Variants in SCAP observed in about 807,000 individuals in gnomAD.
SCAP encodes sterol regulatory element-binding protein cleavage-activating protein.
Under a neutral mutation model 123.6 loss-of-function variants are expected in SCAP, and 65 were observed. The observed-to-expected ratio is 0.53, with a 90% CI of 0.43 to 0.65. The LOEUF is 0.65. SCAP is among the 30% of genes least tolerant of loss of function. The probability of loss-of-function intolerance (pLI) is 0.00; values close to 1 mark genes in which losing one functional copy is unlikely to be tolerated. For synonymous variants in SCAP, 740 were observed against 726.3 expected (o/e 1.02, Z -0.30); for missense variants, 1,398 against 1,712.5 (o/e 0.82, Z 3.24).
chr3:47,414,883 C>T lies in SCAP; in HGVS notation c.3250G>A (p.Ala1084Thr), dbSNP rs148862651. 7 of 1,612,576 alleles carry T rather than the reference C, an allele frequency of 4.3e-6. No individual in the cohort carries two copies. Among genetic ancestry groups the T allele is most frequent in the African/African-American group, 2.7e-5 (2 of 74,944 alleles). Reference sequence around the variant, plus strand: ...AAGCGCCCAGCAGCGGCTTTCAGGGCTGTGATGGGTTTTTGGTGTGCACAG... The same window carrying T: ...AAGCGCCCAGCAGCGGCTTTCAGGGTTGTGATGGGTTTTTGGTGTGCACAG... The part of the protein sequence containing the change: ...VPCAHQKPIT[A>T]LKAAAGRLVT... The change falls in exon 20 of 23, where the codon GCC (alanine) becomes ACC (threonine). Residue 1084 changes from alanine (A) to threonine (T), a missense_variant. This residue lies in a region of SCAP where 828 missense variants were observed against 882.5 expected (regional missense o/e 0.94). Coordinates refer to ENST00000265565, the MANE Select transcript of SCAP (RefSeq NM_012235.4).
In SCAP at chr3:47,451,882, C is replaced by T. The variant is rs1227958352; in HGVS notation, c.-98-8791G>A. On this transcript the variant is annotated intron_variant, in intron 1 of 22. Transcript: ENST00000265565. ...ACCCCGGTCCTCTGCAACTTCACTT[C>T]GTGTCACCTCTCCCTGTTCTGGTTT... Among the ~76,000 whole-genome samples, 3 of 145,206 alleles carry T rather than the reference C, an allele frequency of 2.1e-5. 1 individual carries two copies. The highest frequency in any genetic ancestry group is 3.0e-5 in the Non-Finnish European group (2 of 65,798).
At chr3:47,436,825 C>T (rs1706596642) in intron 2 of SCAP, among the ~76,000 whole-genome samples, 1 of 152,134 alleles carries the variant, frequency 6.6e-6, no homozygotes, top group African/African-American at 2.4e-5. Flanking sequence ...TTTCCAGAGC[C>T]TCAGAAGGCA....
intron 18 of SCAP, among the ~76,000 whole-genome samples, 178 bp downstream of exon 18, chr3:47,416,944 T>G (rs557885924): frequency 6.6e-6 from 1 of 152,264 alleles, no homozygotes; most frequent in East Asian, 1.9e-4. Flanking sequence ...CGCTTTTAAT[T>G]GTTACCTTCC....
chr3:47,459,391 G>A (rs1227415683), intron 1 of SCAP, among the ~76,000 whole-genome samples: 1 of 152,180 alleles, frequency 6.6e-6, no homozygotes, highest in Non-Finnish European at 1.5e-5. Context: ...GAGATGTGAC[G>A]AGTCTCGTTG....
At chr3:47,447,983 C>CG (rs1707109452) in intron 1 of SCAP, among the ~76,000 whole-genome samples, 1 of 104,636 alleles carries the variant, frequency 9.6e-6, no homozygotes. Context: ...CCAGCCTGGG[C>CG]AAGAGGGAGA....
rs202026725 is a variant in SCAP at position 47,427,481 on chromosome 3, C to T, written c.597G>A (p.Glu199=). 116 of 1,614,084 alleles carry T rather than the reference C, an allele frequency of 7.2e-5. No individual in the cohort carries two copies. Among genetic ancestry groups the T allele is most frequent in the Admixed American group, 2.2e-4 (13 of 59,996 alleles). ...TGGCTGAAGTCTGCAGGGTTTTAGG[C>T]TCGTGCTGGTGGATGGTCCCAATGA... is the stretch of plus-strand genomic sequence containing the variant. ...PDIIGTIHQH[E]PKTLQTSATL... Residue 199 remains glutamate, a synonymous_variant, in exon 5 of 23, where the codon GAG becomes GAA. Transcript: ENST00000265565.
At chr3:47,446,975 A>G (rs1003169295) in intron 1 of SCAP, among the ~76,000 whole-genome samples, 5 of 152,198 alleles carry the variant, frequency 3.3e-5, no homozygotes, top group Non-Finnish European at 7.3e-5. Context: ...GATCCATTTG[A>G]GTTAATTTTT....
At chr3:47,476,827 A>C (rs1708282832), upstream of SCAP, 1 of 153,518 alleles carries the variant, frequency 6.5e-6, no homozygotes, top group Admixed American at 6.6e-5. Flanking sequence ...CTCTGGGGGG[A>C]CTTTGATCAT....
intron 1 of SCAP, among the ~76,000 whole-genome samples, chr3:47,446,190 T>G (rs1707033730): frequency 1.3e-5 from 2 of 150,624 alleles, no homozygotes; most frequent in Non-Finnish European, 3.0e-5. Context: ...TTTTTTTTTT[T>G]TGAGATGGAG....
intron 1 of SCAP, among the ~76,000 whole-genome samples, chr3:47,456,674 A>G (rs539609108): frequency 6.6e-6 from 1 of 152,082 alleles, no homozygotes; most frequent in Non-Finnish European, 1.5e-5. Flanking sequence ...CTGAGACAGG[A>G]GAATCACTTG....
chr3:47,436,454 G>A (rs1706582051), intron 2 of SCAP, among the ~76,000 whole-genome samples: 1 of 152,068 alleles, frequency 6.6e-6, no homozygotes, highest in African/African-American at 2.4e-5. Context: ...GCAACACAGT[G>A]AAACCCCATC....
chr3:47,461,909 C>G (rs541359848), intron 1 of SCAP, among the ~76,000 whole-genome samples: 1 of 152,214 alleles, frequency 6.6e-6, no homozygotes, highest in Non-Finnish European at 1.5e-5. Flanking sequence ...TGACAGGCAC[C>G]TATAATCCCA....
intron 1 of SCAP, among the ~76,000 whole-genome samples, chr3:47,448,528 C>G (rs1707138468): frequency 6.6e-6 from 1 of 151,954 alleles, no homozygotes; most frequent in Non-Finnish European, 1.5e-5. Flanking sequence ...CTGTTATTGT[C>G]CCATGGGTCC....
intron 1 of SCAP, among the ~76,000 whole-genome samples, chr3:47,464,332 G>A (rs892779990): frequency 6.6e-6 from 1 of 150,420 alleles, no homozygotes; most frequent in East Asian, 2.0e-4. Flanking sequence ...ATTTTTTGTA[G>A]AGATGAGGGT....
At chr3:47,418,028 G>A (rs1705704373) in intron 16 of SCAP, 106 bp downstream of exon 16, 4 of 759,192 alleles carry the variant, frequency 5.3e-6, no homozygotes, top group African/African-American at 2.1e-5. Flanking sequence ...GCCTGGAGGG[G>A]TTGGGGGATA....
intron 16 of SCAP, 36 bp downstream of exon 16, chr3:47,418,098 T>A (rs1156851658): frequency 1.5e-6 from 2 of 1,318,290 alleles, no homozygotes; most frequent in Non-Finnish European, 2.0e-6. Flanking sequence ...AGGGGGGTTG[T>A]GGGGGCACAA....
rs781565109 is a variant in SCAP, at chr3:47,414,934, C to T, written c.3199G>A (p.Ala1067Thr). The part of the protein sequence containing the change: ...SPVYSSSDTV[A>T]CHLTHTVPCA... ...GGCACTGTGTGGGTCAGGTGACAGG[C>T]CACTGTGTCGCTGCTGCTGTACACT... Residue 1067 changes from alanine to threonine, a missense_variant, in exon 20 of 23, where the codon GCC (alanine) becomes ACC (threonine). Around this residue, in one of 7 missense-constraint regions of SCAP, gnomAD observed 828 missense variants for 882.5 expected, o/e 0.94. Transcript: ENST00000265565. 4.5e-5 allele frequency: 72 copies of T among 1,612,100 alleles called. 1 individual carries two copies. The East Asian group carries it at 1.6e-3, about 36-fold the overall frequency.
In SCAP at chr3:47,417,314, C is replaced by T; in HGVS notation, c.2960G>A (p.Gly987Asp). Residue 987 changes from glycine (G) to aspartate (D), a missense_variant, in exon 17 of 23, where the codon GGC (glycine) becomes GAC (aspartate). By Grantham distance (94) the Gly-to-Asp change is moderately conservative. This residue lies in a region of SCAP where 828 missense variants were observed against 882.5 expected (regional missense o/e 0.94). Coordinates refer to ENST00000265565, the MANE Select transcript of SCAP (RefSeq NM_012235.4). The stretch of plus-strand genomic sequence containing the variant: ...AGCCCCTCTGCCCACCTCCAGCCGG[C>T]CGCTGCTCCGCCCCACCACGATGAG... ...GNLIVVGRSS[G>D]RLEVWDAIEG... The T allele has an allele frequency of 6.2e-7, 1 of 1,612,136 alleles. No individual in the cohort carries two copies. Among genetic ancestry groups the T allele is most frequent in the Non-Finnish European group, 8.5e-7 (1 of 1,179,696 alleles).
chr3:47,447,127 G>A (rs778216233), intron 1 of SCAP, among the ~76,000 whole-genome samples: 1 of 152,220 alleles, frequency 6.6e-6, no homozygotes, highest in Non-Finnish European at 1.5e-5. Context: ...GTCTGGACCA[G>A]GCACAGTGGC....
Sources: gnomAD v4.1 joint callset for allele counts (sites outside exome capture counted in the v4.1 genomes callset) on GRCh38, gnomAD v4.1.1 for gene constraint, gnomAD v4.1.1 regional missense constraint, MANE v1.5 for transcripts, NCBI Gene and HGNC (gene_info 2026-07-23, HGNC 2026-07-21) for gene names.